GUCY2C: variants seen among roughly 807,000 people sequenced by gnomAD.
GUCY2C encodes the protein guanylyl cyclase C.
In GUCY2C, 118 loss-of-function variants were observed where a neutral mutation model predicts 131.1. That is an observed-to-expected ratio of 0.90 (90% CI 0.78 to 1.05). The LOEUF (loss-of-function observed/expected upper bound fraction) is 1.05, where lower values mean the gene tolerates loss of function less well. GUCY2C is among the 50% of genes least tolerant of loss of function. GUCY2C has a pLI of 0.00. For missense variants in GUCY2C, 1,161 were observed against 1,304.4 expected, an observed-to-expected ratio of 0.89 and a Z score of 1.69; for synonymous variants, 452 against 457.8, an observed-to-expected ratio of 0.99 and a Z score of 0.16.
chr12:14,620,856 A>G (rs1430504190), intron 23 of GUCY2C, among the ~76,000 whole-genome samples, 186 bp downstream of exon 23: 1 of 152,116 alleles, frequency 6.6e-6, no homozygotes, highest in African/African-American at 2.4e-5. Flanking sequence ...TCTTGTTCTT[A>G]GAGTTCTCTA....
intron 9 of GUCY2C, among the ~76,000 whole-genome samples, chr12:14,672,596 G>A (rs1169601283): frequency 6.6e-6 from 1 of 151,898 alleles, no homozygotes; most frequent in Non-Finnish European, 1.5e-5. Flanking sequence ...TATTCTGGGT[G>A]GATATTTAAA....
intron 3 of GUCY2C, among the ~76,000 whole-genome samples, chr12:14,685,535 T>G (rs1362602): frequency 0.73 from 110,744 of 152,098 alleles, 42,699 homozygotes; most frequent in Non-Finnish European, 0.86. Context: ...GAAGGTGTAA[T>G]TAGCAGAACA....
chr12:14,627,421 A>G (rs1441823352), intron 20 of GUCY2C, among the ~76,000 whole-genome samples: 1 of 152,204 alleles, frequency 6.6e-6, no homozygotes, highest in East Asian at 1.9e-4. Flanking sequence ...TACAGAGTCT[A>G]GTTGGGTAGA....
chr12:14,661,994 C>CT (rs1025335256), intron 10 of GUCY2C, among the ~76,000 whole-genome samples: 1 of 152,046 alleles, frequency 6.6e-6, no homozygotes, highest in African/African-American at 2.4e-5. Flanking sequence ...GAAGCAGTGT[C>CT]TGAGTATACA....
intron 10 of GUCY2C, among the ~76,000 whole-genome samples, chr12:14,662,439 G>C (rs146768291): frequency 3.3e-5 from 5 of 151,912 alleles, no homozygotes; most frequent in African/African-American, 9.7e-5. Flanking sequence ...ACTTTGGGGG[G>C]GCTGAGGGGC....
intron 18 of GUCY2C, 60 bp from the exon 19 acceptor site, chr12:14,640,010 A>C: frequency 1.8e-6 from 2 of 1,121,476 alleles, no homozygotes; most frequent in Non-Finnish European, 2.7e-6. Context: ...AAATGGAAGG[A>C]ATTTCAACAG....
chr12:14,650,929 A>C (rs1415604551), intron 15 of GUCY2C, among the ~76,000 whole-genome samples: 1 of 151,962 alleles, frequency 6.6e-6, no homozygotes, highest in Admixed American at 6.6e-5. Flanking sequence ...TTTTTTTCTT[A>C]GTTCCTCTGT....
Position 14,652,008 on chromosome 12 carries a change from T to C in GUCY2C, c.1556A>G (p.Lys519Arg), listed in dbSNP as rs1477967557. ...DKKRVILKDLKHNDGNFTEKQ... is the reference protein window; with the variant it reads ...DKKRVILKDLRHNDGNFTEKQ... The stretch of plus-strand genomic sequence containing the variant: ...TTCAGTGAAATTACCATCATTGTGC[T>C]TGAGATCTTTGAGAATCACTCGCTG... The change falls in exon 14 of 27, where the codon AAG (lysine) becomes AGG (arginine). Residue 519 changes from lysine to arginine, a missense_variant. Lys to Arg is a conservative substitution (Grantham distance 26). Transcript: ENST00000261170. The C allele has an allele frequency of 6.2e-7, 1 of 1,600,884 alleles. No homozygotes were observed. The highest frequency in any genetic ancestry group is 8.6e-7 in the Non-Finnish European group (1 of 1,168,412).
At chr12:14,693,219 C>T (rs991390744) in intron 1 of GUCY2C, among the ~76,000 whole-genome samples, 3 of 152,090 alleles carry the variant, frequency 2.0e-5, no homozygotes, top group African/African-American at 7.2e-5. Context: ...ACTCTCTCTT[C>T]CTATCTAAGG....
Position 14,676,768 on chromosome 12 carries a change from G to T in GUCY2C, c.948+86C>A, listed in dbSNP as rs117875898. The T allele has an allele frequency of 0.033, 11,569 of 348,474 alleles. 253 individuals carry two copies. The highest frequency in any genetic ancestry group is 0.052 in the Admixed American group (1,070 of 20,772). 21.6% of individuals were successfully genotyped at this position (348,474 alleles called of 1,614,324 possible). A position where few individuals can be genotyped will look rare whatever the true frequency, so the allele number is the denominator to read the frequency against. ...AAATAATTGCTCATTTTAGAATTTGGGTCCTAAATGGAGAAAAATTATCTT... is the reference window on the plus strand; with the variant it reads ...AAATAATTGCTCATTTTAGAATTTGTGTCCTAAATGGAGAAAAATTATCTT... On this transcript the variant is annotated intron_variant, in intron 7 of 26. Transcript: ENST00000261170.
chr12:14,688,791 G>A lies in GUCY2C; in HGVS notation c.218-728C>T, dbSNP rs114613168. Among the ~76,000 whole-genome samples, 223 of 152,284 alleles carry A rather than the reference G, an allele frequency of 1.5e-3. 2 individuals carry two copies. Among genetic ancestry groups the A allele is most frequent in the African/African-American group, 5.2e-3 (217 of 41,552 alleles). ...GACCTGCGTGAAGACTTAGCCATGC[G>A]ACACATGGTTTCTCTGGTCAGAGGG... On this transcript the variant is annotated intron_variant, in intron 1 of 26. Transcript: ENST00000261170.
chr12:14,668,628 T>C (rs1467495284), intron 10 of GUCY2C, among the ~76,000 whole-genome samples: 1 of 81,264 alleles, frequency 1.2e-5, no homozygotes, highest in Non-Finnish European at 2.3e-5. Flanking sequence ...TGATGGTATT[T>C]CTACTTTTTT....
chr12:14,656,958 A>G (rs1189641709), intron 11 of GUCY2C, among the ~76,000 whole-genome samples: 1 of 152,222 alleles, frequency 6.6e-6, no homozygotes, highest in Non-Finnish European at 1.5e-5. Flanking sequence ...AGGAGTGTGC[A>G]ACATAGATCC....
intron 26 of GUCY2C, among the ~76,000 whole-genome samples, chr12:14,614,193 G>C (rs547409519): frequency 6.6e-6 from 1 of 152,096 alleles, no homozygotes; most frequent in Non-Finnish European, 1.5e-5. Context: ...GGAACACAAC[G>C]CTAGCTTTGC....
At chr12:14,660,838 G>T in intron 11 of GUCY2C, 143 bp downstream of exon 11, 1 of 624,526 alleles carries the variant, frequency 1.6e-6, no homozygotes, top group Non-Finnish European at 2.9e-6. Flanking sequence ...GTTAGTCTTT[G>T]ATGCAGAATG....
rs185081695 is a variant in GUCY2C, at chr12:14,613,558, C to T, written c.3048-267G>A. Among the ~76,000 whole-genome samples the T allele has an allele frequency of 6.6e-6, 1 of 152,228 alleles. No homozygotes were observed. On this transcript the variant is annotated intron_variant, in intron 26 of 26. Coordinates refer to ENST00000261170, the MANE Select transcript of GUCY2C (RefSeq NM_004963.4). This position sits in a 1 kb window ranked among gnomAD's most constrained non-coding sequence, Gnocchi z 4.9. Reference sequence around the variant, plus strand: ...GCATGGTTGGGAGGATCTAGGTTTACATATGCCACTGCAGGAAGGGGAAAA... The same window carrying T: ...GCATGGTTGGGAGGATCTAGGTTTATATATGCCACTGCAGGAAGGGGAAAA...
chr12:14,639,664 C>A (rs1326255186), intron 19 of GUCY2C, among the ~76,000 whole-genome samples, 198 bp downstream of exon 19: 1 of 152,140 alleles, frequency 6.6e-6, no homozygotes, highest in Non-Finnish European at 1.5e-5. Context: ...TGTCAACAGC[C>A]ATCAGAAGCT....
chr12:14,641,158 G>A lies in GUCY2C; in HGVS notation c.1992C>T (p.Tyr664=), dbSNP rs1947394889. The A allele has an allele frequency of 7.4e-6, 12 of 1,613,394 alleles. No individual in the cohort carries two copies. The highest frequency in any genetic ancestry group is 1.0e-5 in the Non-Finnish European group (12 of 1,179,638). Residue 664 remains tyrosine, a synonymous_variant, in exon 18 of 27, where the codon TAC becomes TAT. Transcript: ENST00000261170. ...TCTCCTGTGCGATGATCCCATAGCT[G>A]TACACATCTCCTTTCTGAGAGATGT... is the stretch of plus-strand genomic sequence containing the variant. The part of the protein sequence containing the change: ...QANISQKGDV[Y]SYGIIAQEII...
At chr12:14,616,094 C>T (rs180868288) in intron 25 of GUCY2C, among the ~76,000 whole-genome samples, 18 of 152,224 alleles carry the variant, frequency 1.2e-4, no homozygotes, top group East Asian at 1.9e-4. Context: ...TTCTGATCTA[C>T]GCCCACAGAG....
Sources: gnomAD v4.1 joint callset for allele counts (sites outside exome capture counted in the v4.1 genomes callset) on GRCh38, gnomAD v4.1.1 for gene constraint, Gnocchi (gnomAD v3.1) non-coding constraint, MANE v1.5 for transcripts, NCBI Gene and HGNC (gene_info 2026-07-23, HGNC 2026-07-21) for gene names.